Variants in LHFPL3 observed in about 807,000 individuals in gnomAD.
LHFPL3 encodes the protein LHFPL tetraspan subfamily member 3.
LHFPL3 carries 5 observed loss-of-function variants against 19.3 expected under a neutral mutation model. The observed-to-expected ratio is 0.26, with a 90% CI of 0.14 to 0.54. The LOEUF (loss-of-function observed/expected upper bound fraction) is 0.54. LHFPL3 is among the 20% of genes least tolerant of loss of function. The pLI is 0.94. For missense variants in LHFPL3, 249 were observed against 307.4 expected (o/e 0.81, Z 1.42); for synonymous variants, 133 against 126.2 (o/e 1.05, Z -0.36).
At chr7:104,757,192 T>C (rs1794301608) in intron 2 of LHFPL3, among the ~76,000 whole-genome samples, 2 of 152,272 alleles carry the variant, frequency 1.3e-5, no homozygotes, top group South Asian at 4.1e-4. Context: ...TCTTCCACCA[T>C]ATACAAAAAT....
At chr7:104,423,555 A>T (rs1313070085) in intron 1 of LHFPL3, among the ~76,000 whole-genome samples, 3 of 152,104 alleles carry the variant, frequency 2.0e-5, no homozygotes, top group African/African-American at 4.8e-5. Context: ...TTATCACTTG[A>T]TCACTTGAGG....
chr7:104,445,953 A>C lies in LHFPL3; in HGVS notation c.445+116729A>C, dbSNP rs941790831. Among the ~76,000 whole-genome samples, 4 of 152,134 alleles carry C rather than the reference A, an allele frequency of 2.6e-5. No individual in the cohort carries two copies. The East Asian group carries it at 7.7e-4, about 29-fold the overall frequency. The stretch of plus-strand genomic sequence containing the variant: ...CATAAAGCAGGATATTTCATCTTCT[A>C]CTGGGGTTGCTAATGAAAGTCAAGT... On this transcript the variant is annotated intron_variant, in intron 1 of 2. Transcript: ENST00000424859.
chr7:104,764,954 A>G (rs1369767347), intron 2 of LHFPL3, among the ~76,000 whole-genome samples: 1 of 152,188 alleles, frequency 6.6e-6, no homozygotes, highest in African/African-American at 2.4e-5. Flanking sequence ...CAAAGTTTCA[A>G]TTTCCATCTT....
Position 104,899,483 on chromosome 7 carries a change from T to C in LHFPL3, c.683-6704T>C, listed in dbSNP as rs80145622. ...CTCGCTGAGAGAGAGAGAGTACCTC[T>C]GGCAGGAAGGGAAGTAAGGACAGAA... On this transcript the variant is annotated intron_variant, in intron 2 of 2. Transcript: ENST00000424859. 3.9e-3 allele frequency among the ~76,000 whole-genome samples: 587 copies of C among 152,092 alleles called. 3 individuals carry two copies. The highest frequency in any genetic ancestry group is 6.4e-3 in the Non-Finnish European group (435 of 67,998).
chr7:104,696,484 G>A (rs1329302276), intron 1 of LHFPL3, among the ~76,000 whole-genome samples: 3 of 151,710 alleles, frequency 2.0e-5, no homozygotes, highest in Non-Finnish European at 2.9e-5. Context: ...TTACATATAT[G>A]TGTGTTTACT....
At chr7:104,511,001 A>G (rs1447627343) in intron 1 of LHFPL3, among the ~76,000 whole-genome samples, 1 of 152,126 alleles carries the variant, frequency 6.6e-6, no homozygotes, top group Non-Finnish European at 1.5e-5. Flanking sequence ...AACCCCCATG[A>G]CACAAGTTTA....
intron 2 of LHFPL3, among the ~76,000 whole-genome samples, chr7:104,866,529 T>C (rs899896215): frequency 1.3e-5 from 2 of 152,106 alleles, no homozygotes; most frequent in African/African-American, 4.8e-5. Flanking sequence ...GAACTAACTA[T>C]CCTAAATATA....
chr7:104,735,979 G>A (rs1478988827), intron 1 of LHFPL3, among the ~76,000 whole-genome samples: 2 of 152,104 alleles, frequency 1.3e-5, no homozygotes, highest in Non-Finnish European at 2.9e-5. Flanking sequence ...ATTTCCTTTG[G>A]ACATATACTC....
chr7:104,825,617 TAG>T (rs1790802853), intron 2 of LHFPL3, among the ~76,000 whole-genome samples: 1 of 151,892 alleles, frequency 6.6e-6, no homozygotes, highest in African/African-American at 2.4e-5. Flanking sequence ...TTAAATAAAG[TAG>T]AGTTGATTTT....
At position 104,513,337 on chromosome 7, in the gene LHFPL3, G is replaced by A. The variant is rs200769216; in HGVS notation, c.445+184113G>A. 4.6e-5 allele frequency among the ~76,000 whole-genome samples: 7 copies of A among 152,154 alleles called. No homozygotes were observed. In the East Asian group the frequency reaches 1.2e-3, roughly 25 times the overall value. ...GCAGAAAGGTTCCTAAAGAAAATGT[G>A]TGGTACATGTTCCAGTGCTGGGAAA... On this transcript the variant is annotated intron_variant, in intron 1 of 2. Coordinates refer to ENST00000424859, the MANE Select transcript of LHFPL3 (RefSeq NM_199000.3).
chr7:104,817,055 C>G (rs1284561580), intron 2 of LHFPL3, among the ~76,000 whole-genome samples: 1 of 152,192 alleles, frequency 6.6e-6, no homozygotes, highest in Non-Finnish European at 1.5e-5. Context: ...TCTTCAAGGC[C>G]CATCCCACAC....
At chr7:104,488,903 G>A (rs1793286823) in intron 1 of LHFPL3, among the ~76,000 whole-genome samples, 1 of 152,180 alleles carries the variant, frequency 6.6e-6, no homozygotes, top group African/African-American at 2.4e-5. Context: ...TGAGTTCTTG[G>A]AAGTCTAGGA....
chr7:104,842,449 C>T (rs1217657413), intron 2 of LHFPL3, among the ~76,000 whole-genome samples: 2 of 152,080 alleles, frequency 1.3e-5, no homozygotes, highest in Non-Finnish European at 2.9e-5. Context: ...GAACACTTGA[C>T]TAAAACTCAC....
intron 2 of LHFPL3, among the ~76,000 whole-genome samples, chr7:104,862,230 T>C (rs1214206527): frequency 1.3e-5 from 2 of 151,954 alleles, no homozygotes; most frequent in Non-Finnish European, 2.9e-5. Context: ...GACCCCCACC[T>C]TTTGCTGGAA....
intron 1 of LHFPL3, among the ~76,000 whole-genome samples, chr7:104,466,145 C>T (rs1242415061): frequency 6.6e-6 from 1 of 152,178 alleles, no homozygotes; most frequent in Admixed American, 6.5e-5. Flanking sequence ...AATGATCTGT[C>T]TAATACTTAA....
rs76765439 is a variant in LHFPL3, at chr7:104,506,842, T to G, written c.445+177618T>G. 8.0e-4 allele frequency among the ~76,000 whole-genome samples: 122 copies of G among 152,290 alleles called. 1 individual carries two copies. Among genetic ancestry groups the G allele is most frequent in the African/African-American group, 2.9e-3 (119 of 41,578 alleles). Reference sequence around the variant, plus strand: ...GGGTATGGGAGTAACTAGTGATCTTTGAAAGCAGTCTCAGCAAAAGACTGA... The same window carrying G: ...GGGTATGGGAGTAACTAGTGATCTTGGAAAGCAGTCTCAGCAAAAGACTGA... On this transcript the variant is annotated intron_variant, in intron 1 of 2. Transcript: ENST00000424859.
At chr7:104,803,064 T>C (rs1007958866) in intron 2 of LHFPL3, 2 of 152,216 alleles carry the variant, frequency 1.3e-5, no homozygotes, top group Admixed American at 6.5e-5. Flanking sequence ...CTGCCCTCTC[T>C]CACACATTCC....
At chr7:104,348,817 C>A (rs1201740350) in intron 1 of LHFPL3, among the ~76,000 whole-genome samples, 1 of 152,216 alleles carries the variant, frequency 6.6e-6, no homozygotes, top group African/African-American at 2.4e-5. Context: ...ACAGATGAGA[C>A]TGGCACGTGT....
intron 1 of LHFPL3, among the ~76,000 whole-genome samples, chr7:104,651,988 C>G (rs542695343): frequency 6.6e-6 from 1 of 152,278 alleles, no homozygotes; most frequent in South Asian, 2.1e-4. Flanking sequence ...TCTACGTCCC[C>G]CATATGATCC....
Sources: gnomAD v4.1 joint callset for allele counts (sites outside exome capture counted in the v4.1 genomes callset) on GRCh38, gnomAD v4.1.1 for gene constraint, MANE v1.5 for transcripts, NCBI Gene and HGNC (gene_info 2026-07-23, HGNC 2026-07-21) for gene names.